Variants in MCM8 observed in about 807,000 individuals in gnomAD.
MCM8 encodes the protein minichromosome maintenance 8 homologous recombination repair factor.
MCM8 carries 85 observed loss-of-function variants against 98.9 expected under a neutral mutation model. The ratio of observed to expected loss-of-function variants is 0.86; its 90% CI spans 0.72 to 1.03. MCM8 has a LOEUF of 1.03. Ranked by LOEUF, MCM8 falls within the 50% of genes least tolerant of loss-of-function variation. MCM8 has a pLI of 0.00. For synonymous variants in MCM8, 352 were observed against 338.6 expected (o/e 1.04, Z -0.44); for missense variants, 951 against 997.8 (o/e 0.95, Z 0.63).
At chr20:5,978,245 T>C (rs1188836476) in intron 13 of MCM8, among the ~76,000 whole-genome samples, 2 of 152,220 alleles carry the variant, frequency 1.3e-5, no homozygotes, top group Non-Finnish European at 2.9e-5. Flanking sequence ...TTATAGCCGA[T>C]ACAAGTATAT....
intron 8 of MCM8, among the ~76,000 whole-genome samples, chr20:5,966,640 T>C (rs549060751): frequency 2.0e-4 from 31 of 152,352 alleles, no homozygotes; most frequent in South Asian, 1.7e-3. Context: ...AGGTTTCCTT[T>C]GCAATTTTTT....
At chr20:5,951,408 G>A (rs2088818340) in intron 1 of MCM8, among the ~76,000 whole-genome samples, 1 of 152,182 alleles carries the variant, frequency 6.6e-6, no homozygotes, top group Non-Finnish European at 1.5e-5. Flanking sequence ...GATTTGGGTA[G>A]AGTATTTGAT....
Position 5,993,557 on chromosome 20 carries a change from C to T in MCM8, c.2292C>T (p.Ser764=). ...TTGGGAACCTAGATTTTGAGCGATC[C>T]CAGCATGGTTCTGGAATGAGCAACA... ...DEFGNLDFER[S]QHGSGMSNRS... The change falls in exon 18 of 19, where the codon TCC becomes TCT. Residue 764 remains serine, a synonymous_variant. Transcript: ENST00000610722. 1 of 1,597,504 alleles carries T rather than the reference C, an allele frequency of 6.3e-7. No homozygotes were observed. The highest frequency in any genetic ancestry group is 1.1e-5 in the South Asian group (1 of 88,068).
chr20:5,952,105 A>G lies in MCM8; in HGVS notation c.90A>G (p.Lys30=). 1.2e-6 allele frequency: 2 copies of G among 1,614,112 alleles called. No individual in the cohort carries two copies. Among genetic ancestry groups the G allele is most frequent in the Non-Finnish European group, 1.7e-6 (2 of 1,180,006 alleles). The change falls in exon 2 of 19, where the codon AAA becomes AAG. Residue 30 remains lysine, a synonymous_variant. Coordinates refer to ENST00000610722, the MANE Select transcript of MCM8 (RefSeq NM_032485.6). ...RGRGGGNFSG[K]WREREHRPDL... is the part of the protein sequence containing the mutation. ...GAGGTGGTGGGAACTTCTCAGGAAA[A>G]TGGAGAGAAAGAGAACACAGACCTG...
At chr20:5,963,951 A>T (rs2089215630) in intron 8 of MCM8, among the ~76,000 whole-genome samples, 1 of 152,238 alleles carries the variant, frequency 6.6e-6, no homozygotes, top group Non-Finnish European at 1.5e-5. Flanking sequence ...TGATTAATTG[A>T]ACTGGATATA....
At chr20:5,976,324 TGAGG>T (rs1210160954) in intron 12 of MCM8, among the ~76,000 whole-genome samples, 3 of 152,174 alleles carry the variant, frequency 2.0e-5, no homozygotes, top group Non-Finnish European at 4.4e-5. Flanking sequence ...CTAGGGAAGC[TGAGG>T]TTGTTGTAAC....
intron 14 of MCM8, 133 bp downstream of exon 14, chr20:5,983,298 A>G: frequency 1.3e-6 from 1 of 755,976 alleles, no homozygotes; most frequent in Non-Finnish European, 2.0e-6. Flanking sequence ...CAATAAATGC[A>G]CAAAAATGTG....
intron 13 of MCM8, among the ~76,000 whole-genome samples, chr20:5,981,591 G>A (rs1250041604): frequency 6.6e-6 from 1 of 152,116 alleles, no homozygotes; most frequent in Non-Finnish European, 1.5e-5. Context: ...ATTGGGAAAA[G>A]CGTATTGACA....
chr20:5,958,945 G>T (rs1829490827), intron 7 of MCM8, among the ~76,000 whole-genome samples: 1 of 151,980 alleles, frequency 6.6e-6, no homozygotes, highest in South Asian at 2.1e-4. Flanking sequence ...TTCAGCTCCG[G>T]ACACATTTTT....
Position 5,996,751 on chromosome 20 carries a change from C to T in MCM8, c.*2360C>T, listed in dbSNP as rs1303073613. ...TTCAGAAGAAGAAGTTCCATGTTTC[C>T]TTAGATTATGTATTTAGCATCCATT... is the stretch of plus-strand genomic sequence containing the variant. On this transcript the variant is annotated 3_prime_UTR_variant, in exon 19 of 19. Coordinates refer to ENST00000610722, the MANE Select transcript of MCM8 (RefSeq NM_032485.6). 1 of 152,144 alleles carries T rather than the reference C, an allele frequency of 6.6e-6. No individual in the cohort carries two copies. Among genetic ancestry groups the T allele is most frequent in the Admixed American group, 6.5e-5 (1 of 15,274 alleles). 9.4% of individuals were successfully genotyped at this position (152,144 alleles called of 1,614,324 possible). A position where few individuals can be genotyped will look rare whatever the true frequency, so the allele number is the denominator to read the frequency against.
At chr20:5,986,943 A>G (rs1328315880) in intron 16 of MCM8, among the ~76,000 whole-genome samples, 2 of 152,158 alleles carry the variant, frequency 1.3e-5, no homozygotes, top group African/African-American at 4.8e-5. Flanking sequence ...CTCCCACCTC[A>G]GCTTCCCAAG....
At chr20:5,970,009 C>T (rs1357964531) in intron 10 of MCM8, among the ~76,000 whole-genome samples, 3 of 152,286 alleles carry the variant, frequency 2.0e-5, no homozygotes, top group African/African-American at 7.2e-5. Flanking sequence ...CTTTTTCCCC[C>T]TCCATGTTTG....
intron 18 of MCM8, 146 bp downstream of exon 18, chr20:5,993,841 A>G: frequency 1.6e-6 from 1 of 606,876 alleles, no homozygotes; most frequent in Non-Finnish European, 2.7e-6. Flanking sequence ...AGAGGGAAAC[A>G]TTGTAGTAAG....
chr20:5,991,614 C>T (rs2089853839), intron 17 of MCM8: 1 of 152,208 alleles, frequency 6.6e-6, no homozygotes, highest in African/African-American at 2.4e-5. Context: ...TTACCTGACA[C>T]TATGTTCATG....
intron 18 of MCM8, chr20:5,993,998 C>A: frequency 2.8e-6 from 1 of 351,864 alleles, no homozygotes; most frequent in Non-Finnish European, 5.1e-6. Flanking sequence ...GCACTTCAAA[C>A]ATGGGCTGTT....
At chr20:5,955,018 C>T (rs997919875) in intron 4 of MCM8, 84 bp from the exon 5 acceptor site, 9 of 943,300 alleles carry the variant, frequency 9.5e-6, no homozygotes, top group Non-Finnish European at 1.4e-5. Context: ...TGTATGCTTT[C>T]TCAAAGTCTA....
intron 12 of MCM8, 58 bp from the exon 13 acceptor site, chr20:5,977,818 G>A: frequency 3.1e-6 from 5 of 1,591,116 alleles, no homozygotes; most frequent in Non-Finnish European, 4.3e-6. Context: ...AGCAACTGCT[G>A]TTAGCTATTA....
intron 3 of MCM8, among the ~76,000 whole-genome samples, chr20:5,952,765 A>G (rs2088867742): frequency 6.6e-6 from 1 of 152,264 alleles, no homozygotes; most frequent in South Asian, 2.1e-4. Flanking sequence ...GAAATTGGAT[A>G]CAAAAATGGA....
At chr20:5,963,521 AATT>A (rs1271213900) in intron 8 of MCM8, among the ~76,000 whole-genome samples, 162 bp downstream of exon 8, 16 of 148,646 alleles carry the variant, frequency 1.1e-4, no homozygotes, top group South Asian at 4.2e-4. Context: ...ATGTTAAAAT[AATT>A]CTTTTTTTTT....
Sources: allele counts gnomAD v4.1 joint callset (sites outside exome capture counted in the v4.1 genomes callset), GRCh38; gene constraint gnomAD v4.1.1; transcripts MANE v1.5; gene names NCBI Gene and HGNC (gene_info 2026-07-23, HGNC 2026-07-21).